Variants in WNT5B observed in about 807,000 individuals in gnomAD.
WNT5B encodes the protein Wnt family member 5B.
In WNT5B, 18 loss-of-function variants were observed where a neutral mutation model predicts 36.5. The observed-to-expected ratio is 0.49, with a 90% CI of 0.34 to 0.73. The LOEUF (loss-of-function observed/expected upper bound fraction) is 0.73, where lower values mean the gene tolerates loss of function less well. WNT5B is among the 30% of genes least tolerant of loss of function. The probability of loss-of-function intolerance (pLI) is 0.01; values close to 1 mark genes in which losing one functional copy is unlikely to be tolerated. For missense variants in WNT5B, 424 were observed against 508.4 expected (o/e 0.83, Z 1.60); for synonymous variants, 213 against 212.3 (o/e 1.00, Z -0.03).
At chr12:1,634,412 T>A (rs2094556675) in intron 3 of WNT5B, among the ~76,000 whole-genome samples, 1 of 152,154 alleles carries the variant, frequency 6.6e-6, no homozygotes, top group African/African-American at 2.4e-5. Flanking sequence ...GTTGGCTAGA[T>A]CCTTTTCATG....
In WNT5B at chr12:1,630,153, T is replaced by A. The variant is rs1395049579; in HGVS notation, c.-58+782T>A. On this transcript the variant is annotated intron_variant, in intron 1 of 4. Transcript: ENST00000397196. This position sits in a 1 kb window ranked among gnomAD's most constrained non-coding sequence, Gnocchi z 5.3. ...ATGACCCGAAGCACCCGCCGCCCCCTCCCGGGGAGCCTGGGGACGCCGACG... is the reference window on the plus strand; with the variant it reads ...ATGACCCGAAGCACCCGCCGCCCCCACCCGGGGAGCCTGGGGACGCCGACG... 1.0e-6 allele frequency: 1 copy of A among 985,190 alleles called. No homozygotes were observed. 61.0% of individuals were successfully genotyped at this position (985,190 alleles called of 1,614,324 possible).
At chr12:1,619,092 TCCTACCAAGCCCCCAGC>T (rs1245222532) in intron 1 of WNT5B, among the ~76,000 whole-genome samples, 6 of 151,726 alleles carry the variant, frequency 4.0e-5, no homozygotes, top group Non-Finnish European at 7.4e-5. Flanking sequence ...ATCTCATCAC[TCCTACCAAGCCCCCAGC>T]CCCTCCCACC....
chr12:1,627,912 T>G (rs1247313343), upstream of WNT5B, among the ~76,000 whole-genome samples: 2 of 152,190 alleles, frequency 1.3e-5, no homozygotes, highest in Non-Finnish European at 2.9e-5. The surrounding 1 kb of genome is among the most constrained non-coding windows in gnomAD (Gnocchi z 5.0). Context: ...TTATGATACA[T>G]TTGTTTGTTC....
rs563283039 is a variant in WNT5B, at chr12:1,618,681, T to G, written c.-58+1538T>G. ...CTTATCATCTGCACAGAATAAGACT[T>G]CCAGTGGACTTTTGCTTGATACCTG... On this transcript the variant is annotated intron_variant, in intron 1 of 4. Transcript: ENST00000310594. The surrounding 1 kb of genome is among the most constrained non-coding windows in gnomAD (Gnocchi z 4.1). 7.9e-5 allele frequency among the ~76,000 whole-genome samples: 12 copies of G among 152,310 alleles called. No individual in the cohort carries two copies. In the East Asian group the frequency reaches 1.4e-3, roughly 17 times the overall value.
rs111366537 is a variant in WNT5B, at chr12:1,620,544, G to GT, written c.-58+3413dup. On this transcript the variant is annotated intron_variant, in intron 1 of 4. Transcript: ENST00000310594. ...AGAGTGCTGCTATTCTTTTGTTGTT[G>GT]TTTTTTTTTTTTGACATGGAGTCTC... Among the ~76,000 whole-genome samples, 402 of 143,670 alleles carry GT rather than the reference G, an allele frequency of 2.8e-3. 2 individuals carry two copies. The highest frequency in any genetic ancestry group is 4.3e-3 in the African/African-American group (171 of 39,482). 94.3% of individuals were successfully genotyped at this position (143,670 alleles called of 152,430 possible).
At chr12:1,641,316 G>A (rs1403896184) in intron 4 of WNT5B, among the ~76,000 whole-genome samples, 4 of 149,684 alleles carry the variant, frequency 2.7e-5, no homozygotes, top group Non-Finnish European at 3.0e-5. Context: ...AACCTGGGAG[G>A]CGGAGGCTGC....
intron 3 of WNT5B, among the ~76,000 whole-genome samples, 200 bp from the exon 4 acceptor site, chr12:1,639,484 C>A (rs6489311): frequency 0.8 from 121,066 of 151,040 alleles, 48,573 homozygotes; most frequent in Middle Eastern, 0.85. Context: ...AGCTGGGGCC[C>A]AGCGGCGGAA....
chr12:1,640,622 T>G (rs1471920400), intron 4 of WNT5B, among the ~76,000 whole-genome samples: 3 of 152,226 alleles, frequency 2.0e-5, no homozygotes, highest in Non-Finnish European at 4.4e-5. Context: ...CCATGCAGGT[T>G]TGAGGGGAGC....
Position 1,630,934 on chromosome 12 carries a change from T to C in WNT5B, c.-57-364T>C, listed in dbSNP as rs1157101914. 1.9e-5 allele frequency: 3 copies of C among 158,870 alleles called. No individual in the cohort carries two copies. The highest frequency in any genetic ancestry group is 4.2e-5 in the Non-Finnish European group (3 of 71,804). 9.8% of individuals were successfully genotyped at this position (158,870 alleles called of 1,614,324 possible). A position where few individuals can be genotyped will look rare whatever the true frequency, so the allele number is the denominator to read the frequency against. Reference sequence around the variant, plus strand: ...ATAGGATGGGCCCCATTTCTTTGGATGTTCTGCAGCAAGGACAGGTATGCT... The same window carrying C: ...ATAGGATGGGCCCCATTTCTTTGGACGTTCTGCAGCAAGGACAGGTATGCT... On this transcript the variant is annotated intron_variant, in intron 1 of 4. Coordinates refer to ENST00000397196, the MANE Select transcript of WNT5B (RefSeq NM_032642.3). This position sits in a 1 kb window ranked among gnomAD's most constrained non-coding sequence, Gnocchi z 5.3.
chr12:1,619,812 A>G (rs1175266383), intron 1 of WNT5B, among the ~76,000 whole-genome samples: 12 of 152,096 alleles, frequency 7.9e-5, no homozygotes, highest in Non-Finnish European at 1.5e-5. Flanking sequence ...ATTGGTTTGC[A>G]CAGAACTCCC....
At chr12:1,640,837 C>A (rs1282722244) in intron 4 of WNT5B, among the ~76,000 whole-genome samples, 1 of 152,378 alleles carries the variant, frequency 6.6e-6, no homozygotes, top group South Asian at 2.1e-4. Flanking sequence ...CCGCAGGAAT[C>A]TCTGCCTTTT....
At position 1,633,313 on chromosome 12, in the gene WNT5B, A is replaced by C. The variant is rs2154439595; in HGVS notation, c.328+408A>C. On this transcript the variant is annotated intron_variant, in intron 3 of 4. Coordinates refer to ENST00000397196, the MANE Select transcript of WNT5B (RefSeq NM_032642.3). The surrounding 1 kb of genome is among the most constrained non-coding windows in gnomAD (Gnocchi z 4.8). ...AGAGAACCAGAAATTGCAGCCCTGA[A>C]TGTCTGTTGGATTTTTGCCTCTTCC... 6.6e-6 allele frequency among the ~76,000 whole-genome samples: 1 copy of C among 152,286 alleles called. No individual in the cohort carries two copies. Among genetic ancestry groups the C allele is most frequent in the East Asian group, 1.9e-4 (1 of 5,186 alleles).
At position 1,639,666 on chromosome 12, in the gene WNT5B, C is replaced by A; in HGVS notation, c.329-18C>A. On this transcript the variant is annotated intron_variant, in intron 3 of 4. Coordinates refer to ENST00000397196, the MANE Select transcript of WNT5B (RefSeq NM_032642.3). ...AGAGGAGAGCGCACCCGCTTACCGC[C>A]CTGGCCTCATTCTGCAGGCAGCCGA... 1 of 1,512,656 alleles carries A rather than the reference C, an allele frequency of 6.6e-7. No homozygotes were observed. The highest frequency in any genetic ancestry group is 2.4e-5 in the East Asian group (1 of 41,590). 93.7% of individuals were successfully genotyped at this position (1,512,656 alleles called of 1,614,324 possible). A position where few individuals can be genotyped will look rare whatever the true frequency, so the allele number is the denominator to read the frequency against.
At chr12:1,624,453 G>A (rs1344181455), upstream of WNT5B, among the ~76,000 whole-genome samples, 1 of 152,048 alleles carries the variant, frequency 6.6e-6, no homozygotes, top group Non-Finnish European at 1.5e-5. Flanking sequence ...CCTGTATTTG[G>A]GGAAGAGTAG....
At chr12:1,639,165 T>C (rs2094567908) in intron 3 of WNT5B, among the ~76,000 whole-genome samples, 1 of 150,544 alleles carries the variant, frequency 6.6e-6, no homozygotes, top group Non-Finnish European at 1.5e-5. Context: ...TGAGACAGAG[T>C]CTCACTCTGT....
upstream of WNT5B, among the ~76,000 whole-genome samples, chr12:1,625,286 C>T (rs118117982): frequency 0.018 from 2,790 of 152,180 alleles, 22 homozygotes; most frequent in Middle Eastern, 0.061. Context: ...AGTGAGACCA[C>T]GAAGAACTAC....
At chr12:1,628,160 CTT>C (rs59145675), upstream of WNT5B, among the ~76,000 whole-genome samples, 36 of 145,942 alleles carry the variant, frequency 2.5e-4, no homozygotes, top group Middle Eastern at 7.1e-3. Flanking sequence ...CTGACTCCCA[CTT>C]TTTTTTTTTT....
At position 1,630,114 on chromosome 12, in the gene WNT5B, T is replaced by C; in HGVS notation, c.-58+743T>C. The C allele has an allele frequency of 1.0e-6, 1 of 985,228 alleles. No homozygotes were observed. Among genetic ancestry groups the C allele is most frequent in the Non-Finnish European group, 1.2e-6 (1 of 829,912 alleles). The allele number at this position is 985,228 out of a possible 1,614,324, so 61.0% of individuals were successfully genotyped here. A position where few individuals can be genotyped will look rare whatever the true frequency, so the allele number is the denominator to read the frequency against. On this transcript the variant is annotated intron_variant, in intron 1 of 4. Transcript: ENST00000397196. The surrounding 1 kb of genome is among the most constrained non-coding windows in gnomAD (Gnocchi z 5.3). ...TCTCCTGGCGGCCCCAGGACAAAAA[T>C]ACTTCCCGGGCTGATGACCCGAAGC...
At chr12:1,643,293 C>T (rs1432941527) in intron 4 of WNT5B, among the ~76,000 whole-genome samples, 1 of 152,154 alleles carries the variant, frequency 6.6e-6, no homozygotes, top group Non-Finnish European at 1.5e-5. Context: ...TCACCAGGCT[C>T]AGCACACCAT....
Sources: allele counts gnomAD v4.1 joint callset (sites outside exome capture counted in the v4.1 genomes callset), GRCh38; gene constraint gnomAD v4.1.1; non-coding constraint Gnocchi (gnomAD v3.1); transcripts MANE v1.5; gene names NCBI Gene and HGNC (gene_info 2026-07-23, HGNC 2026-07-21).